DELE1: variants seen among roughly 807,000 people sequenced by gnomAD.
DELE1 encodes death ligand signal enhancer.
In DELE1, 54 loss-of-function variants were observed where a neutral mutation model predicts 59.3. The ratio of observed to expected loss-of-function variants is 0.91; its 90% CI spans 0.73 to 1.14. DELE1 has a LOEUF of 1.14. DELE1 is among the 50% of genes most tolerant of loss of function. The pLI is 0.00. For synonymous variants in DELE1, 264 were observed against 259.1 expected, an observed-to-expected ratio of 1.02 and a Z score of -0.18; for missense variants, 636 against 643.9, an observed-to-expected ratio of 0.99 and a Z score of 0.13.
At chr5:141,930,777 A>T (rs144034638) in intron 7 of DELE1, among the ~76,000 whole-genome samples, 2 of 152,154 alleles carry the variant, frequency 1.3e-5, no homozygotes, top group Admixed American at 1.3e-4. Context: ...TCATGTGGGG[A>T]CTCCAAATAC....
At chr5:141,928,080 T>G in intron 3 of DELE1, 71 bp from the exon 4 acceptor site, 2 of 1,515,876 alleles carry the variant, frequency 1.3e-6, no homozygotes, top group Non-Finnish European at 1.8e-6. Context: ...GAAGTGATGT[T>G]TGAGAATAAG....
In DELE1 at chr5:141,940,882, T is replaced by C; in HGVS notation, c.*2123T>C. The C allele has an allele frequency of 1.0e-6, 1 of 985,072 alleles. No homozygotes were observed. Among genetic ancestry groups the C allele is most frequent in the Non-Finnish European group, 1.2e-6 (1 of 829,738 alleles). The allele number at this position is 985,072 out of a possible 1,614,324, so 61.0% of individuals were successfully genotyped here. ...CTGCCAAAAAACAAACAAAAAAAGG[T>C]TTCTGTGGTTAAATAAGTTTGGGAA... On this transcript the variant is annotated 3_prime_UTR_variant, in exon 12 of 12. Coordinates refer to ENST00000432126, the MANE Select transcript of DELE1 (RefSeq NM_014773.5).
chr5:141,932,249 C>G (rs1207079518), intron 7 of DELE1, among the ~76,000 whole-genome samples: 1 of 152,116 alleles, frequency 6.6e-6, no homozygotes, highest in African/African-American at 2.4e-5. Flanking sequence ...TTGGCCGTGC[C>G]CTCATCCTTT....
At chr5:141,923,993 C>T (rs1381370169) in intron 1 of DELE1, 21 bp downstream of exon 1, 2 of 1,606,940 alleles carry the variant, frequency 1.2e-6, no homozygotes, top group African/African-American at 1.3e-5. Context: ...TCCAAGCAAC[C>T]AGCGTCACTC....
chr5:141,941,218 G>C lies in DELE1; in HGVS notation c.*2459G>C. 3 of 985,494 alleles carry C rather than the reference G, an allele frequency of 3.0e-6. No individual in the cohort carries two copies. Among genetic ancestry groups the C allele is most frequent in the Non-Finnish European group, 3.6e-6 (3 of 829,968 alleles). The allele number at this position is 985,494 out of a possible 1,614,324, so 61.0% of individuals were successfully genotyped here. ...GGCTGGTTCACAGTCTGGCCACTGG[G>C]CGTCCTGTGGTGAAGGCCAGATGCA... On this transcript the variant is annotated 3_prime_UTR_variant, in exon 12 of 12. Coordinates refer to ENST00000432126, the MANE Select transcript of DELE1 (RefSeq NM_014773.5).
intron 1 of DELE1, among the ~76,000 whole-genome samples, 199 bp downstream of exon 1, chr5:141,924,171 A>G (rs991019177): frequency 1.3e-5 from 2 of 152,222 alleles, no homozygotes; most frequent in Non-Finnish European, 2.9e-5. Flanking sequence ...GTGGAGTCCA[A>G]GAAGTTGGTA....
Position 141,929,730 on chromosome 5 carries a change from C to T in DELE1, c.561C>T (p.Pro187=), listed in dbSNP as rs1483798740. The T allele has an allele frequency of 8.7e-6, 14 of 1,614,054 alleles. No homozygotes were observed. The highest frequency in any genetic ancestry group is 1.3e-5 in the African/African-American group (1 of 74,918). Residue 187 remains proline, a synonymous_variant, in exon 5 of 12, where the codon CCC becomes CCT. Transcript: ENST00000432126. ...TGAGAGGAGCTCGTCCTCAGGACCCCTCTGAGGAAGGTATGTCCCTGCCTC... is the reference window on the plus strand; with the variant it reads ...TGAGAGGAGCTCGTCCTCAGGACCCTTCTGAGGAAGGTATGTCCCTGCCTC... The part of the protein sequence containing the change: ...NSLRGARPQD[P]SEEGPGDFGF...
At position 141,937,287 on chromosome 5, in the gene DELE1, G is replaced by A. The variant is rs1464553215; in HGVS notation, c.1239G>A (p.Gln413=). Reference sequence around the variant, plus strand: ...TGGGAGAGGCCTTGAGATGTTACCAGCAGTCAGCCGCTCTGGGAAATGAGG... The same window carrying A: ...TGGGAGAGGCCTTGAGATGTTACCAACAGTCAGCCGCTCTGGGAAATGAGG... The part of the protein sequence containing the change: ...RNLGEALRCY[Q]QSAALGNEAA... Residue 413 remains glutamine, a synonymous_variant, in exon 11 of 12, where the codon CAG becomes CAA. Transcript: ENST00000432126. 6 of 1,614,100 alleles carry A rather than the reference G, an allele frequency of 3.7e-6. No individual in the cohort carries two copies. The East Asian group carries it at 6.7e-5, about 18-fold the overall frequency.
In DELE1 at chr5:141,930,008, C is replaced by G; in HGVS notation, c.591C>G (p.Phe197Leu). Residue 197 changes from phenylalanine to leucine, a missense_variant, in exon 6 of 12, where the codon TTC (phenylalanine) becomes TTG (leucine). Physicochemically the swap from Phe to Leu is conservative, Grantham distance 22 (BLOSUM62 0). Coordinates refer to ENST00000432126, the MANE Select transcript of DELE1 (RefSeq NM_014773.5). ...TTGCAGGTCCCGGTGATTTTGGCTT[C>G]CTGCATGCCAGTAGTAGCATCGAGT... ...PSEEGPGDFG[F>L]LHASSSIESE... 3 of 1,614,144 alleles carry G rather than the reference C, an allele frequency of 1.9e-6. No homozygotes were observed. Among genetic ancestry groups the G allele is most frequent in the Non-Finnish European group, 2.5e-6 (3 of 1,180,034 alleles).
Position 141,941,566 on chromosome 5 carries a change from G to A in DELE1, c.*2807G>A, listed in dbSNP as rs1752738017. The A allele has an allele frequency of 1.0e-6, 1 of 985,482 alleles. No homozygotes were observed. The highest frequency in any genetic ancestry group is 6.1e-5 in the Admixed American group (1 of 16,286). 61.0% of individuals were successfully genotyped at this position (985,482 alleles called of 1,614,324 possible). ...CATCAGTGCCCCAGAGGAAGTGTGA[G>A]AGGACGAGAGGGAGGTGGCTCCCAT... On this transcript the variant is annotated 3_prime_UTR_variant, in exon 12 of 12. Coordinates refer to ENST00000432126, the MANE Select transcript of DELE1 (RefSeq NM_014773.5).
chr5:141,931,526 CG>C (rs1290612242), intron 7 of DELE1, among the ~76,000 whole-genome samples: 3 of 151,942 alleles, frequency 2.0e-5, no homozygotes, highest in Non-Finnish European at 4.4e-5. Flanking sequence ...GTAGGATTGC[CG>C]GGGGGAAAAA....
intron 3 of DELE1, among the ~76,000 whole-genome samples, chr5:141,926,839 G>T (rs1751463231): frequency 6.6e-6 from 1 of 152,232 alleles, no homozygotes; most frequent in African/African-American, 2.4e-5. Flanking sequence ...AGTGGGCCTG[G>T]ATTCCAGAAG....
In DELE1 at chr5:141,940,434, ACCG is replaced by A. The variant is rs1752667515; in HGVS notation, c.*1678_*1680del. ...GGGGTCTGGGAGGGATAGAGAGCCC[ACCG>A]CCCACCCCCCACAATCCCATGACTG... On this transcript the variant is annotated 3_prime_UTR_variant, in exon 12 of 12. Transcript: ENST00000432126. 1.2e-4 allele frequency: 27 copies of A among 225,088 alleles called. No homozygotes were observed. In the South Asian group the frequency reaches 0.012, roughly 104 times the overall value. The allele number at this position is 225,088 out of a possible 1,614,324, so 13.9% of individuals were successfully genotyped here. A position where few individuals can be genotyped will look rare whatever the true frequency, so the allele number is the denominator to read the frequency against.
intron 3 of DELE1, among the ~76,000 whole-genome samples, chr5:141,927,835 T>C (rs1047402452): frequency 3.9e-5 from 6 of 152,358 alleles, no homozygotes; most frequent in Middle Eastern, 3.4e-3. Flanking sequence ...GTTGTACTTA[T>C]TAGGTCCCTA....
intron 7 of DELE1, among the ~76,000 whole-genome samples, chr5:141,930,972 A>G (rs1751862035): frequency 6.6e-6 from 1 of 152,228 alleles, no homozygotes; most frequent in Non-Finnish European, 1.5e-5. Context: ...GGTACTGGGG[A>G]TACAGTGATT....
chr5:141,941,311 G>GC lies in DELE1; in HGVS notation c.*2554dup. The GC allele has an allele frequency of 1.0e-6, 1 of 985,584 alleles. No homozygotes were observed. Among genetic ancestry groups the GC allele is most frequent in the Non-Finnish European group, 1.2e-6 (1 of 830,040 alleles). 61.1% of individuals were successfully genotyped at this position (985,584 alleles called of 1,614,324 possible). A position where few individuals can be genotyped will look rare whatever the true frequency, so the allele number is the denominator to read the frequency against. ...GCTAAGTACTGATTCAATTTGGGGT[G>GC]CCAAAGGTTGGGGGTAGGATATTTT... On this transcript the variant is annotated 3_prime_UTR_variant, in exon 12 of 12. Coordinates refer to ENST00000432126, the MANE Select transcript of DELE1 (RefSeq NM_014773.5).
intron 3 of DELE1, among the ~76,000 whole-genome samples, chr5:141,925,849 CT>C (rs1554075492): frequency 4.0e-5 from 6 of 151,574 alleles, no homozygotes; most frequent in Non-Finnish European, 5.9e-5. Context: ...TACATTGCAT[CT>C]TTTTTTTATT....
At position 141,929,628 on chromosome 5, in the gene DELE1, G is replaced by A; in HGVS notation, c.459G>A (p.Arg153=). 1 of 1,614,132 alleles carries A rather than the reference G, an allele frequency of 6.2e-7. No homozygotes were observed. The highest frequency in any genetic ancestry group is 2.2e-5 in the East Asian group (1 of 44,874). The stretch of plus-strand genomic sequence containing the variant: ...CCAGCCCCGATGGCCCAGCTCCCAG[G>A]CACACTGGCCTCAGGGAACCCAGGC... The part of the protein sequence containing the change: ...ILPSPDGPAP[R]HTGLREPRLG... The change falls in exon 5 of 12, where the codon AGG becomes AGA. Residue 153 remains arginine (R), a synonymous_variant. Coordinates refer to ENST00000432126, the MANE Select transcript of DELE1 (RefSeq NM_014773.5).
rs1752677529 is a variant in DELE1 at position 141,940,543 on chromosome 5, C to A, written c.*1784C>A. 1.4e-5 allele frequency: 14 copies of A among 985,376 alleles called. No individual in the cohort carries two copies. In the Admixed American group the frequency reaches 2.5e-4, roughly 17 times the overall value. 61.0% of individuals were successfully genotyped at this position (985,376 alleles called of 1,614,324 possible). A position where few individuals can be genotyped will look rare whatever the true frequency, so the allele number is the denominator to read the frequency against. ...GTTGTCCACGTTTCCCTCTCTGCTTCCCACCCCATCTCTCTCAACTTCTTA... is the reference window on the plus strand; with the variant it reads ...GTTGTCCACGTTTCCCTCTCTGCTTACCACCCCATCTCTCTCAACTTCTTA... On this transcript the variant is annotated 3_prime_UTR_variant, in exon 12 of 12. Coordinates refer to ENST00000432126, the MANE Select transcript of DELE1 (RefSeq NM_014773.5).
Sources: gnomAD v4.1 joint callset for allele counts (sites outside exome capture counted in the v4.1 genomes callset) on GRCh38, gnomAD v4.1.1 for gene constraint, MANE v1.5 for transcripts, NCBI Gene and HGNC (gene_info 2026-07-23, HGNC 2026-07-21) for gene names.